Variants in ANKRD2 observed in about 807,000 individuals in gnomAD.
The protein encoded by ANKRD2 is ankyrin repeat domain 2, also known as ankyrin repeat domain-containing protein 2.
Under a neutral mutation model 37.3 loss-of-function variants are expected in ANKRD2, and 35 were observed. The ratio of observed to expected loss-of-function variants is 0.94; its 90% CI spans 0.72 to 1.24. The LOEUF is 1.24. Among genes scored for constraint, ANKRD2 ranks in the 50% most tolerant of loss-of-function variants. The pLI is 0.00. For missense variants in ANKRD2, 410 were observed against 445.6 expected, an observed-to-expected ratio of 0.92 and a Z score of 0.72; for synonymous variants, 159 against 186.5, an observed-to-expected ratio of 0.85 and a Z score of 1.20.
chr10:97,581,178 T>C (rs1418576717), intron 5 of ANKRD2, 138 bp from the exon 6 acceptor site: 20 of 874,206 alleles, frequency 2.3e-5, no homozygotes, highest in East Asian at 5.2e-5. Context: ...TCTGTTCCAC[T>C]TGGTCCATTG....
At chr10:97,577,635 G>A (rs1226646635) in intron 1 of ANKRD2, among the ~76,000 whole-genome samples, 165 bp from the exon 2 acceptor site, 1 of 152,136 alleles carries the variant, frequency 6.6e-6, no homozygotes, top group African/African-American at 2.4e-5. Context: ...CCCCTTTTGG[G>A]GGCCCCTCCA....
Position 97,580,877 on chromosome 10 carries a change from G to C in ANKRD2, c.479G>C (p.Arg160Pro). ...CAGTTCCGTCGGACAGCACTGCACCGAGCTTCCCTGGAAGGCCACATGGAA... is the reference window on the plus strand; with the variant it reads ...CAGTTCCGTCGGACAGCACTGCACCCAGCTTCCCTGGAAGGCCACATGGAA... ...CDQFRRTALHRASLEGHMEIL... is the reference protein window; with the variant it reads ...CDQFRRTALHPASLEGHMEIL... Residue 160 changes from arginine to proline, a missense_variant, in exon 5 of 9, where the codon CGA becomes CCA. Physicochemically the swap from Arg to Pro is moderately radical, Grantham distance 103. Transcript: ENST00000370655. 6.2e-7 allele frequency: 1 copy of C among 1,611,278 alleles called. No individual in the cohort carries two copies. The highest frequency in any genetic ancestry group is 8.5e-7 in the Non-Finnish European group (1 of 1,179,002).
At chr10:97,577,932 C>T in intron 2 of ANKRD2, 31 bp downstream of exon 2, 1 of 1,531,720 alleles carries the variant, frequency 6.5e-7, no homozygotes, top group Non-Finnish European at 8.8e-7. Context: ...TGTCTGCACC[C>T]AGGGGACCAG....
At chr10:97,576,480 C>A (rs1306117182) in intron 1 of ANKRD2, among the ~76,000 whole-genome samples, 1 of 152,066 alleles carries the variant, frequency 6.6e-6, no homozygotes, top group Non-Finnish European at 1.5e-5. Flanking sequence ...GCTCCCATCA[C>A]CAAGTTCCCC....
chr10:97,579,346 A>AG (rs2040868848), intron 4 of ANKRD2, among the ~76,000 whole-genome samples: 1 of 145,092 alleles, frequency 6.9e-6, no homozygotes, highest in Non-Finnish European at 1.5e-5. Flanking sequence ...TCACTCTGTC[A>AG]CCCAGGCTGG....
chr10:97,578,183 C>A, intron 2 of ANKRD2, 57 bp from the exon 3 acceptor site: 1 of 884,842 alleles, frequency 1.1e-6, no homozygotes, highest in East Asian at 5.3e-5. Context: ...TCAGAGGTCT[C>A]CCAAGCCCCC....
At chr10:97,582,246 C>A (rs960600526) in intron 6 of ANKRD2, 69 bp from the exon 7 acceptor site, 51 of 1,350,608 alleles carry the variant, frequency 3.8e-5, no homozygotes, top group Middle Eastern at 1.8e-4. Flanking sequence ...GTTAGGACAG[C>A]CCCCGCCTTC....
At position 97,577,862 on chromosome 10, in the gene ANKRD2, G is replaced by A. The variant is rs910919216; in HGVS notation, c.150G>A (p.Lys50=). The part of the protein sequence containing the change: ...PMDLLVLEDE[K]HHGAQSAALQ... ...ACTTGCTGGTGCTGGAGGATGAGAA[G>A]CACCACGGGGCTCAGAGTGCAGCCC... is the stretch of plus-strand genomic sequence containing the variant. Residue 50 remains lysine (K), a synonymous_variant, in exon 2 of 9, where the codon AAG becomes AAA. Transcript: ENST00000370655. The A allele has an allele frequency of 3.8e-6, 6 of 1,572,360 alleles. No individual in the cohort carries two copies. Among genetic ancestry groups the A allele is most frequent in the African/African-American group, 1.3e-5 (1 of 74,508 alleles).
intron 4 of ANKRD2, among the ~76,000 whole-genome samples, chr10:97,579,055 G>A (rs568406946): frequency 6.6e-6 from 1 of 152,108 alleles, no homozygotes; most frequent in Admixed American, 6.5e-5. Flanking sequence ...TGTGGCTCAC[G>A]TCTGTAATCC....
In ANKRD2 at chr10:97,580,835, G is replaced by A; in HGVS notation, c.457-20G>A. On this transcript the variant is annotated intron_variant, in intron 4 of 8. Coordinates refer to ENST00000370655, the MANE Select transcript of ANKRD2 (RefSeq NM_001346793.2). ...GGCCTGGAGCCAGAGGCCAGGCCCTGACAGCCTCTCTGGGGACAGTTCCGT... is the reference window on the plus strand; with the variant it reads ...GGCCTGGAGCCAGAGGCCAGGCCCTAACAGCCTCTCTGGGGACAGTTCCGT... The A allele has an allele frequency of 6.3e-7, 1 of 1,597,984 alleles. No homozygotes were observed. The highest frequency in any genetic ancestry group is 1.7e-5 in the Admixed American group (1 of 58,370).
Position 97,578,484 on chromosome 10 carries a change from G to T in ANKRD2, c.349-14G>T. 2.5e-6 allele frequency: 4 copies of T among 1,590,888 alleles called. No homozygotes were observed. Among genetic ancestry groups the T allele is most frequent in the Non-Finnish European group, 2.6e-6 (3 of 1,168,520 alleles). On this transcript the variant is annotated splice_polypyrimidine_tract_variant and intron_variant, in intron 3 of 8. Coordinates refer to ENST00000370655, the MANE Select transcript of ANKRD2 (RefSeq NM_001346793.2). ...TGCTGGGACGGCCCGTGACTGCTGC[G>T]TCCACATCTGCAGACTGGCCCTGTG...
chr10:97,582,824 T>C (rs2040919555), intron 8 of ANKRD2, 122 bp downstream of exon 8: 4 of 799,224 alleles, frequency 5.0e-6, no homozygotes, highest in African/African-American at 3.4e-5. Flanking sequence ...GCCAGCACCA[T>C]AGTACATAAA....
chr10:97,583,724 G>A lies in ANKRD2; in HGVS notation c.1001G>A (p.Ter334=). Residue 334 remains the stop codon, a stop_retained_variant, in exon 9 of 9, where the codon TGA becomes TAA. Transcript: ENST00000370655. ...ACCCCTCAGCCTGTGCCAGCCCAGT[G>A]AATGCGTGCCCCAGCCCAGCCAGCT... is the stretch of plus-strand genomic sequence containing the variant. ...RETPQPVPAQ[*] 6.5e-7 allele frequency: 1 copy of A among 1,531,560 alleles called. No homozygotes were observed. Among genetic ancestry groups the A allele is most frequent in the Non-Finnish European group, 8.8e-7 (1 of 1,140,460 alleles). The allele number at this position is 1,531,560 out of a possible 1,614,324, so 94.9% of individuals were successfully genotyped here.
Position 97,583,830 on chromosome 10 carries a change from A to C in ANKRD2, c.*105A>C. On this transcript the variant is annotated 3_prime_UTR_variant, in exon 9 of 9. Transcript: ENST00000370655. ...ACTGAGGGCCCAGCCTTTTTTCTGC[A>C]TGATCCAGGAGCACATACCACAAAC... 1 of 1,316,208 alleles carries C rather than the reference A, an allele frequency of 7.6e-7. No homozygotes were observed. Among genetic ancestry groups the C allele is most frequent in the East Asian group, 3.0e-5 (1 of 32,906 alleles). The allele number at this position is 1,316,208 out of a possible 1,614,324, so 81.5% of individuals were successfully genotyped here.
intron 8 of ANKRD2, 97 bp downstream of exon 8, chr10:97,582,799 G>A (rs1589897009): frequency 1.8e-6 from 2 of 1,090,314 alleles, no homozygotes; most frequent in East Asian, 2.4e-5. Flanking sequence ...CTAGGGACAT[G>A]TATCATTGGC....
At position 97,577,811 on chromosome 10, in the gene ANKRD2, A is replaced by T. The variant is rs1405550470; in HGVS notation, c.99A>T (p.Gly33=). ...CTTTGGATCACCAGAAACTCCGAGG[A>T]GACGCACGCCAGAAGCTGCCCATGG... ...AQEEENEKLR[G]DARQKLPMDL... The change falls in exon 2 of 9, where the codon GGA becomes GGT. Residue 33 remains glycine (G), a synonymous_variant. Transcript: ENST00000370655. 1 of 1,563,746 alleles carries T rather than the reference A, an allele frequency of 6.4e-7. No homozygotes were observed. Among genetic ancestry groups the T allele is most frequent in the South Asian group, 1.2e-5 (1 of 84,870 alleles).
In ANKRD2 at chr10:97,583,610, G is replaced by A; in HGVS notation, c.887G>A (p.Trp296Ter). Residue 296 changes from tryptophan to a stop codon, truncating the protein, a stop_gained, in exon 9 of 9, where the codon TGG (tryptophan) becomes TAG (stop). Coordinates refer to ENST00000370655, the MANE Select transcript of ANKRD2 (RefSeq NM_001346793.2). LOFTEE classifies it high-confidence loss of function. ...ACCCCGACGGACCTGGTGCAGCTCT[G>A]GCAGGCTGATACCCGGCACGCCCTG... ...GKTPTDLVQL[W>*]QADTRHALEH... 1 of 1,605,842 alleles carries A rather than the reference G, an allele frequency of 6.2e-7. No homozygotes were observed. Among genetic ancestry groups the A allele is most frequent in the African/African-American group, 1.3e-5 (1 of 74,786 alleles).
intron 4 of ANKRD2, 95 bp downstream of exon 4, chr10:97,578,700 AG>A (rs2040861176): frequency 3.1e-6 from 3 of 982,330 alleles, no homozygotes; most frequent in Non-Finnish European, 4.5e-6. Context: ...CCTATTTGAG[AG>A]GAGGCACCGG....
chr10:97,575,220 G>A (rs1375607582), intron 1 of ANKRD2, among the ~76,000 whole-genome samples: 2 of 152,128 alleles, frequency 1.3e-5, no homozygotes, highest in Admixed American at 6.5e-5. Context: ...TCTCTACCAG[G>A]CCCCAGCCTG....
Sources: allele counts gnomAD v4.1 joint callset (sites outside exome capture counted in the v4.1 genomes callset), GRCh38; gene constraint gnomAD v4.1.1; transcripts MANE v1.5; gene names NCBI Gene and HGNC (gene_info 2026-07-23, HGNC 2026-07-21).